The following TMEM135 variants were observed in gnomAD, a reference collection of about 807,000 sequenced individuals.
TMEM135 encodes the protein transmembrane protein 135.
In TMEM135, 30 loss-of-function variants were observed where a neutral mutation model predicts 60.3. That is an observed-to-expected ratio of 0.50 (90% confidence interval 0.37 to 0.68). TMEM135 has a LOEUF of 0.68. Ranked by LOEUF, TMEM135 falls within the 30% of genes least tolerant of loss-of-function variation. TMEM135 has a pLI of 0.00. For missense variants in TMEM135, 468 were observed against 548.8 expected (o/e 0.85, Z 1.47); for synonymous variants, 190 against 186.7 (o/e 1.02, Z -0.14).
At chr11:87,257,632 G>A (rs568239224) in intron 6 of TMEM135, among the ~76,000 whole-genome samples, 4 of 152,106 alleles carry the variant, frequency 2.6e-5, no homozygotes, top group African/African-American at 7.2e-5. Context: ...AGCTGTAAAC[G>A]TCATATTTAT....
At chr11:87,042,551 A>C (rs1026453865) in intron 1 of TMEM135, among the ~76,000 whole-genome samples, 4 of 152,222 alleles carry the variant, frequency 2.6e-5, no homozygotes, top group Non-Finnish European at 4.4e-5. Flanking sequence ...ACAGGAGAGC[A>C]GGAGAAGGTC....
intron 4 of TMEM135, among the ~76,000 whole-genome samples, chr11:87,099,169 G>A (rs61904181): frequency 0.05 from 7,584 of 152,046 alleles, 265 homozygotes; most frequent in South Asian, 0.098. Flanking sequence ...AATACTGTGC[G>A]TATTCATACA....
At chr11:87,104,288 T>C (rs1483997517) in intron 4 of TMEM135, among the ~76,000 whole-genome samples, 1 of 152,206 alleles carries the variant, frequency 6.6e-6, no homozygotes, top group Non-Finnish European at 1.5e-5. Flanking sequence ...GTTCCGTTGG[T>C]CTGTCTGTCT....
intron 4 of TMEM135, among the ~76,000 whole-genome samples, chr11:87,124,494 G>A (rs187130461): frequency 1.3e-5 from 2 of 152,196 alleles, no homozygotes; most frequent in Admixed American, 1.3e-4. Flanking sequence ...TGGCTCAAAT[G>A]TGACCTGTGT....
intron 5 of TMEM135, among the ~76,000 whole-genome samples, chr11:87,166,332 G>T (rs1052568135): frequency 1.3e-5 from 2 of 151,596 alleles, no homozygotes; most frequent in East Asian, 3.8e-4. Flanking sequence ...TTCAATTTTG[G>T]CTTTTGTTGC....
intron 5 of TMEM135, among the ~76,000 whole-genome samples, chr11:87,214,660 T>G (rs1469274471): frequency 1.3e-5 from 2 of 152,080 alleles, no homozygotes; most frequent in African/African-American, 4.8e-5. Flanking sequence ...GTTAAGTGGT[T>G]TTATTCTGAG....
intron 4 of TMEM135, among the ~76,000 whole-genome samples, chr11:87,105,794 ATCTTT>A (rs1279036041): frequency 1.3e-5 from 2 of 152,038 alleles, no homozygotes; most frequent in South Asian, 2.1e-4. Flanking sequence ...AACATTTTAA[ATCTTT>A]TCTTTTAGCT....
At chr11:87,314,928 G>C (rs1018754831) in intron 12 of TMEM135, among the ~76,000 whole-genome samples, 3 of 151,692 alleles carry the variant, frequency 2.0e-5, no homozygotes, top group Admixed American at 6.6e-5. Context: ...AAGGCTAAAG[G>C]CTTTTTCAAA....
intron 6 of TMEM135, among the ~76,000 whole-genome samples, chr11:87,273,311 C>T (rs1941904536): frequency 6.6e-6 from 1 of 152,112 alleles, no homozygotes; most frequent in African/African-American, 2.4e-5. Flanking sequence ...ATTGTTATTA[C>T]CTACCCGTGT....
At chr11:87,245,002 C>T (rs1941232015) in intron 6 of TMEM135, among the ~76,000 whole-genome samples, 1 of 151,238 alleles carries the variant, frequency 6.6e-6, no homozygotes, top group Admixed American at 6.6e-5. Flanking sequence ...CTATAAATTT[C>T]CCTCTGCGCA....
chr11:87,251,844 C>T (rs1384686426), intron 6 of TMEM135, among the ~76,000 whole-genome samples: 2 of 152,062 alleles, frequency 1.3e-5, no homozygotes, highest in African/African-American at 4.8e-5. Context: ...TGTTTTTAAA[C>T]CAAGAGAGAA....
At chr11:87,250,621 G>T (rs1002767373) in intron 6 of TMEM135, among the ~76,000 whole-genome samples, 1 of 151,836 alleles carries the variant, frequency 6.6e-6, no homozygotes, top group Non-Finnish European at 1.5e-5. Context: ...TTCCGTTCTG[G>T]TCAGAGAAGA....
chr11:87,180,777 T>A (rs1267976149), intron 5 of TMEM135, among the ~76,000 whole-genome samples: 2 of 152,064 alleles, frequency 1.3e-5, no homozygotes, highest in Admixed American at 1.3e-4. Context: ...GGGTTGATTG[T>A]CAACAACAAC....
chr11:87,328,043 C>T lies in TMEM135; in HGVS notation c.*6710C>T, dbSNP rs1942940304. 4.4e-6 allele frequency: 2 copies of T among 453,946 alleles called. No individual in the cohort carries two copies. The highest frequency in any genetic ancestry group is 8.8e-6 in the Non-Finnish European group (2 of 226,794). The allele number at this position is 453,946 out of a possible 1,614,324, so 28.1% of individuals were successfully genotyped here. A position where few individuals can be genotyped will look rare whatever the true frequency, so the allele number is the denominator to read the frequency against. On this transcript the variant is annotated 3_prime_UTR_variant, in exon 15 of 15. Coordinates refer to ENST00000305494, the MANE Select transcript of TMEM135 (RefSeq NM_022918.4). ...AGACACACCCCAAAATAATGCCTTA[C>T]CAGTTCTCTAGATATTCCTTAATCC...
intron 6 of TMEM135, among the ~76,000 whole-genome samples, chr11:87,242,216 G>A (rs1281836931): frequency 6.6e-6 from 1 of 151,524 alleles, no homozygotes; most frequent in African/African-American, 2.4e-5. Context: ...ATTCCATGGT[G>A]TATATATGCC....
chr11:87,277,529 GT>G (rs71043606), intron 6 of TMEM135: 4 of 151,492 alleles, frequency 2.6e-5, no homozygotes, highest in Non-Finnish European at 4.4e-5. Flanking sequence ...TTTGTTTTTT[GT>G]TTTTTTTTGA....
At chr11:87,064,789 C>T (rs896576729) in intron 1 of TMEM135, among the ~76,000 whole-genome samples, 3 of 152,112 alleles carry the variant, frequency 2.0e-5, no homozygotes, top group Non-Finnish European at 4.4e-5. Context: ...GAGATTGAGG[C>T]AGGGAGAATT....
chr11:87,138,317 G>A (rs926015155), intron 4 of TMEM135, among the ~76,000 whole-genome samples: 4 of 151,958 alleles, frequency 2.6e-5, no homozygotes, highest in African/African-American at 9.7e-5. Flanking sequence ...TCTCAAGCTC[G>A]TGACCTCAGG....
In TMEM135 at chr11:87,306,091, A is replaced by G. The variant is rs76313004; in HGVS notation, c.768+86A>G. On this transcript the variant is annotated intron_variant, in intron 9 of 14. Transcript: ENST00000305494. ...TTATTTAGAAATAATTTAAAAATAA[A>G]TGGAAAAGTTGACATTAATAAATGC... 5.7e-4 allele frequency: 475 copies of G among 830,336 alleles called. 1 individual carries two copies. In the African/African-American group the frequency reaches 6.9e-3, roughly 12 times the overall value. 51.4% of individuals were successfully genotyped at this position (830,336 alleles called of 1,614,324 possible).
Sources: gnomAD v4.1 joint callset for allele counts (sites outside exome capture counted in the v4.1 genomes callset) on GRCh38, gnomAD v4.1.1 for gene constraint, MANE v1.5 for transcripts, NCBI Gene and HGNC (gene_info 2026-07-23, HGNC 2026-07-21) for gene names.